Variants in LRP1B observed in about 807,000 individuals in gnomAD.
LRP1B encodes the protein low-density lipoprotein receptor-related protein 1B.
LRP1B carries 217 observed loss-of-function variants against 556.6 expected under a neutral mutation model. The ratio of observed to expected loss-of-function variants is 0.39; its 90% confidence interval spans 0.35 to 0.44. The LOEUF (loss-of-function observed/expected upper bound fraction) is 0.44, where lower values mean the gene tolerates loss of function less well. LRP1B is among the 20% of genes least tolerant of loss of function. The pLI is 1.00. For synonymous variants in LRP1B, 2,047 were observed against 1,865.8 expected (o/e 1.10, Z -2.50); for missense variants, 5,053 against 5,620.8 (o/e 0.90, Z 3.23).
intron 43 of LRP1B, among the ~76,000 whole-genome samples, chr2:140,546,188 G>A (rs1279273609): frequency 3.9e-5 from 6 of 152,016 alleles, no homozygotes; most frequent in Non-Finnish European, 5.9e-5. Flanking sequence ...TTTGGGCTGA[G>A]ACTATGGTGT....
intron 2 of LRP1B, among the ~76,000 whole-genome samples, chr2:141,534,170 A>G (rs1009573485): frequency 2.6e-5 from 4 of 152,182 alleles, no homozygotes; most frequent in African/African-American, 9.6e-5. Flanking sequence ...TGCATGGGCC[A>G]TATTTGTTCT....
chr2:141,343,559 T>A (rs1416457751), intron 3 of LRP1B, among the ~76,000 whole-genome samples: 2 of 152,214 alleles, frequency 1.3e-5, no homozygotes, highest in Non-Finnish European at 2.9e-5. Flanking sequence ...GGTGAATCTT[T>A]CTGGTCTTTA....
rs560247219 is a variant in LRP1B, at chr2:140,721,306, A to G, written c.5759-4490T>C. On this transcript the variant is annotated intron_variant, in intron 35 of 90. Transcript: ENST00000389484. Reference sequence around the variant, plus strand: ...TAAAGCATATGATTTTTCCCAGAACATGCTACTCGTGGCTTTTATGTCACA... The same window carrying G: ...TAAAGCATATGATTTTTCCCAGAACGTGCTACTCGTGGCTTTTATGTCACA... Among the ~76,000 whole-genome samples the G allele has an allele frequency of 3.4e-4, 52 of 152,262 alleles. 2 individuals carry two copies. The South Asian group carries it at 0.011, about 31-fold the overall frequency.
At chr2:141,867,189 A>T (rs1029444907) in intron 1 of LRP1B, among the ~76,000 whole-genome samples, 1 of 152,070 alleles carries the variant, frequency 6.6e-6, no homozygotes, top group Non-Finnish European at 1.5e-5. Context: ...ATGTAGTAAG[A>T]CCCAGTGCCT....
intron 33 of LRP1B, among the ~76,000 whole-genome samples, chr2:140,771,633 G>T (rs1261010839): frequency 6.6e-6 from 1 of 152,020 alleles, no homozygotes; most frequent in African/African-American, 2.4e-5. Flanking sequence ...TATTAGTCAG[G>T]TAATCACAGA....
chr2:140,582,641 C>CGAGGATGCA (rs1681818359), intron 43 of LRP1B, among the ~76,000 whole-genome samples: 1 of 152,066 alleles, frequency 6.6e-6, no homozygotes, highest in Non-Finnish European at 1.5e-5. Flanking sequence ...TTCTGTCATG[C>CGAGGATGCA]GAGGATGCAA....
chr2:141,634,998 A>C (rs1689057632), intron 2 of LRP1B, among the ~76,000 whole-genome samples: 1 of 151,600 alleles, frequency 6.6e-6, no homozygotes, highest in African/African-American at 2.4e-5. Flanking sequence ...GGAATTAAAA[A>C]AAGTGAATTT....
chr2:141,002,295 A>G (rs1182685465), intron 15 of LRP1B, among the ~76,000 whole-genome samples: 1 of 152,088 alleles, frequency 6.6e-6, no homozygotes, highest in Non-Finnish European at 1.5e-5. Flanking sequence ...ACAGAATAGA[A>G]TAGGTACAAA....
chr2:140,505,884 C>T (rs184980562), intron 53 of LRP1B, among the ~76,000 whole-genome samples: 17 of 152,184 alleles, frequency 1.1e-4, no homozygotes, highest in African/African-American at 3.1e-4. Flanking sequence ...AGATATTTTA[C>T]GAAAACATTA....
rs560650450 is a variant in LRP1B at position 141,130,922 on chromosome 2, G to C, written c.1013+57499C>G. On this transcript the variant is annotated intron_variant, in intron 7 of 90. Transcript: ENST00000389484. ...CATCATTCTCAGCAAACTAACACAG[G>C]AACAGAAAACCAAACACCACATGTT... is the stretch of plus-strand genomic sequence containing the variant. 3.3e-5 allele frequency among the ~76,000 whole-genome samples: 5 copies of C among 152,216 alleles called. No individual in the cohort carries two copies. The East Asian group carries it at 7.7e-4, about 24-fold the overall frequency.
intron 49 of LRP1B, among the ~76,000 whole-genome samples, chr2:140,522,678 C>A (rs1690234215): frequency 6.6e-6 from 1 of 151,096 alleles, no homozygotes. Context: ...GCTAGATTAA[C>A]AAAAAAAAAA....
At chr2:141,441,854 A>C (rs1174908291) in intron 3 of LRP1B, among the ~76,000 whole-genome samples, 1 of 152,232 alleles carries the variant, frequency 6.6e-6, no homozygotes, top group African/African-American at 2.4e-5. Flanking sequence ...TGTGTTGACC[A>C]GAGAAATCAA....
At chr2:141,400,689 T>A (rs529495464) in intron 3 of LRP1B, among the ~76,000 whole-genome samples, 37 of 152,308 alleles carry the variant, frequency 2.4e-4, no homozygotes, top group South Asian at 1.2e-3. Flanking sequence ...TTTATTTTTT[T>A]AAAAAATCAG....
chr2:141,863,877 A>G (rs751720052), intron 1 of LRP1B, among the ~76,000 whole-genome samples: 6 of 152,230 alleles, frequency 3.9e-5, no homozygotes, highest in Non-Finnish European at 7.3e-5. Context: ...GTAATTAACA[A>G]TGAATGAACT....
chr2:140,990,252 T>C (rs1287210878), intron 16 of LRP1B, among the ~76,000 whole-genome samples: 1 of 152,172 alleles, frequency 6.6e-6, no homozygotes, highest in Non-Finnish European at 1.5e-5. Context: ...TCTCATTCCT[T>C]AAACCAACTG....
At chr2:140,560,860 T>C (rs946799265) in intron 43 of LRP1B, among the ~76,000 whole-genome samples, 7 of 152,168 alleles carry the variant, frequency 4.6e-5, no homozygotes, top group African/African-American at 1.4e-4. Context: ...GGCAATTACA[T>C]GAGGAAAAGG....
At chr2:140,435,808 A>T (rs1222950230) in intron 66 of LRP1B, among the ~76,000 whole-genome samples, 1 of 152,068 alleles carries the variant, frequency 6.6e-6, no homozygotes. Flanking sequence ...CTATTTAGTG[A>T]CTCCCATGTA....
intron 2 of LRP1B, among the ~76,000 whole-genome samples, chr2:141,583,167 G>A (rs1687012897): frequency 6.6e-6 from 1 of 152,014 alleles, no homozygotes; most frequent in Non-Finnish European, 1.5e-5. Flanking sequence ...TTCAAGTCAA[G>A]TGAACTTCTA....
chr2:141,570,967 C>T (rs1481929681), intron 2 of LRP1B, among the ~76,000 whole-genome samples: 1 of 151,314 alleles, frequency 6.6e-6, no homozygotes, highest in Non-Finnish European at 1.5e-5. Context: ...CTGACTTAGC[C>T]TCTCCTCCTG....
Sources: gnomAD v4.1 joint callset for allele counts (sites outside exome capture counted in the v4.1 genomes callset) on GRCh38, gnomAD v4.1.1 for gene constraint, MANE v1.5 for transcripts, NCBI Gene and HGNC (gene_info 2026-07-23, HGNC 2026-07-21) for gene names.